The following SCD5 variants were observed in gnomAD, a reference collection of about 807,000 sequenced individuals.
SCD5 encodes stearoyl-CoA desaturase 5, also known as acyl-CoA-desaturase 4.
A neutral mutation model predicts 30.4 loss-of-function variants in SCD5; 20 were observed. The observed-to-expected ratio is 0.66, with a 90% CI of 0.46 to 0.96. SCD5 has a LOEUF of 0.96. Among genes scored for constraint, SCD5 ranks in the 40% least tolerant of loss-of-function variants. The probability of loss-of-function intolerance (pLI) is 0.00; values close to 1 mark genes in which losing one functional copy is unlikely to be tolerated. For missense variants in SCD5, 381 were observed against 443.3 expected (o/e 0.86, Z 1.26); for synonymous variants, 173 against 176.4 (o/e 0.98, Z 0.16).
chr4:82,675,618 C>G (rs1205387836), intron 3 of SCD5, among the ~76,000 whole-genome samples: 3 of 152,174 alleles, frequency 2.0e-5, no homozygotes, highest in Non-Finnish European at 4.4e-5. Flanking sequence ...TCCTCCCTGT[C>G]TACTTTAAAA....
At chr4:82,756,552 C>T (rs996126326) in intron 1 of SCD5, among the ~76,000 whole-genome samples, 2 of 152,054 alleles carry the variant, frequency 1.3e-5, no homozygotes, top group Non-Finnish European at 2.9e-5. Context: ...ATGGTGAAAC[C>T]CCATCTCTAC....
In SCD5 at chr4:82,656,725, A is replaced by C. The variant is rs191640392; in HGVS notation, c.570-19902T>G. ...AATTTATACTCCCACCAACAGTGTA[A>C]AAGTGTCCCTATTTCTCCACACCCT... On this transcript the variant is annotated intron_variant, in intron 3 of 4. Coordinates refer to ENST00000319540, the MANE Select transcript of SCD5 (RefSeq NM_001037582.3). Among the ~76,000 whole-genome samples the C allele has an allele frequency of 6.4e-3, 980 of 152,316 alleles. 13 individuals are homozygous for C. Among genetic ancestry groups the C allele is most frequent in the African/African-American group, 0.022 (930 of 41,574 alleles).
intron 3 of SCD5, among the ~76,000 whole-genome samples, chr4:82,664,999 C>CTCTCTCTCTCTATATA (rs1219554314): frequency 1.1e-3 from 78 of 70,472 alleles, no homozygotes; most frequent in Admixed American, 2.1e-3. Flanking sequence ...CTCTCTCTCT[C>CTCTCTCTCTCTATATA]TATATATATA....
intron 3 of SCD5, among the ~76,000 whole-genome samples, chr4:82,679,581 A>C (rs1259103775): frequency 6.6e-6 from 1 of 152,208 alleles, no homozygotes; most frequent in African/African-American, 2.4e-5. Flanking sequence ...TGTAGGAGAT[A>C]GGTATTACTG....
At chr4:82,794,813 C>T (rs1488326465) in intron 1 of SCD5, among the ~76,000 whole-genome samples, 3 of 152,132 alleles carry the variant, frequency 2.0e-5, no homozygotes, top group Admixed American at 6.6e-5. Context: ...CCACGCCCGG[C>T]TAATTTTTGT....
intron 2 of SCD5, among the ~76,000 whole-genome samples, chr4:82,683,018 G>C (rs934437600): frequency 6.6e-6 from 1 of 152,140 alleles, no homozygotes; most frequent in African/African-American, 2.4e-5. Flanking sequence ...ATTTCACCAC[G>C]TTGGCCAGGC....
intron 1 of SCD5, among the ~76,000 whole-genome samples, chr4:82,787,141 C>G (rs1722005456): frequency 6.6e-6 from 1 of 152,126 alleles, no homozygotes; most frequent in Non-Finnish European, 1.5e-5. Context: ...CCTTTTGAAG[C>G]AAAATCTGAG....
intron 3 of SCD5, among the ~76,000 whole-genome samples, chr4:82,671,427 T>C (rs1390172204): frequency 6.6e-6 from 1 of 152,160 alleles, no homozygotes; most frequent in African/African-American, 2.4e-5. Context: ...CATCCAGCAA[T>C]AGCAGAATAT....
At chr4:82,693,976 G>A (rs1201446496) in intron 2 of SCD5, among the ~76,000 whole-genome samples, 1 of 152,226 alleles carries the variant, frequency 6.6e-6, no homozygotes, top group Non-Finnish European at 1.5e-5. Flanking sequence ...GGAGGGCAGG[G>A]TGCGTGGCAC....
chr4:82,741,993 T>C (rs931343739), intron 1 of SCD5, among the ~76,000 whole-genome samples: 1 of 144,872 alleles, frequency 6.9e-6, no homozygotes, highest in East Asian at 2.0e-4. Flanking sequence ...GGCAGGAAAA[T>C]GGCGTGAAAC....
At chr4:82,674,842 T>C (rs998436254) in intron 3 of SCD5, among the ~76,000 whole-genome samples, 1 of 152,148 alleles carries the variant, frequency 6.6e-6, no homozygotes, top group Non-Finnish European at 1.5e-5. Context: ...GAAGCACAAA[T>C]AGATATTGCT....
intron 3 of SCD5, among the ~76,000 whole-genome samples, chr4:82,638,545 T>G (rs1254663795): frequency 6.6e-6 from 1 of 152,226 alleles, no homozygotes; most frequent in African/African-American, 2.4e-5. Flanking sequence ...AATACCTCCT[T>G]GGCATCAAGG....
At chr4:82,787,880 G>A (rs1278392751) in intron 1 of SCD5, among the ~76,000 whole-genome samples, 3 of 152,036 alleles carry the variant, frequency 2.0e-5, no homozygotes, top group Non-Finnish European at 2.9e-5. Flanking sequence ...AAATAATAAC[G>A]TAAAAAATTA....
At chr4:82,794,883 C>T (rs1344279991) in intron 1 of SCD5, among the ~76,000 whole-genome samples, 3 of 152,170 alleles carry the variant, frequency 2.0e-5, no homozygotes, top group South Asian at 2.1e-4. Flanking sequence ...GATCTCCTGA[C>T]CTTGTGATCA....
chr4:82,660,746 C>T (rs1305497454), intron 3 of SCD5: 1 of 1,499,124 alleles, frequency 6.7e-7, no homozygotes, highest in Non-Finnish European at 8.9e-7. Flanking sequence ...CAATAAATAA[C>T]CTAATGTTAG....
In SCD5 at chr4:82,720,441, T is replaced by TACAAAAAAAAAAAAAAAAAAAAAAAA. The variant is rs778480466; in HGVS notation, c.233-15029_233-15028insTTTTTTTTTTTTTTTTTTTTTTTTGT. ...GATGCTGTCTCAAAAAAGGCAAAAA[T>TACAAAAAAAAAAAAAAAAAAAAAAAA]AAAAAAAAAAAAAAAAAAAAAAGAC... On this transcript the variant is annotated intron_variant, in intron 1 of 4. Transcript: ENST00000319540. 4.2e-4 allele frequency among the ~76,000 whole-genome samples: 33 copies of TACAAAAAAAAAAAAAAAAAAAAAAAA among 77,866 alleles called. 1 individual carries two copies. The highest frequency in any genetic ancestry group is 5.4e-4 in the African/African-American group (10 of 18,690). 51.1% of individuals were successfully genotyped at this position (77,866 alleles called of 152,430 possible).
intron 1 of SCD5, among the ~76,000 whole-genome samples, chr4:82,778,219 G>A (rs1443712708): frequency 6.6e-6 from 1 of 152,080 alleles, no homozygotes; most frequent in Non-Finnish European, 1.5e-5. Context: ...GCCTGTTGGG[G>A]GATTGGGGGT....
At chr4:82,649,220 TGA>T (rs1553914192) in intron 3 of SCD5, among the ~76,000 whole-genome samples, 3 of 145,816 alleles carry the variant, frequency 2.1e-5, no homozygotes, top group East Asian at 2.1e-4. Context: ...TGTGTGTGTG[TGA>T]GATTCTTCAC....
At chr4:82,761,584 T>TTTA (rs887697517) in intron 1 of SCD5, among the ~76,000 whole-genome samples, 4 of 152,156 alleles carry the variant, frequency 2.6e-5, no homozygotes, top group African/African-American at 9.7e-5. Context: ...TTCTTTTTTT[T>TTTA]TTATTATTAT....
Sources: allele counts gnomAD v4.1 joint callset (sites outside exome capture counted in the v4.1 genomes callset), GRCh38; gene constraint gnomAD v4.1.1; transcripts MANE v1.5; gene names NCBI Gene and HGNC (gene_info 2026-07-23, HGNC 2026-07-21).